Variants in SND1 observed in about 807,000 individuals in gnomAD.
SND1 encodes the protein staphylococcal nuclease domain-containing protein 1.
SND1 carries 38 observed loss-of-function variants against 121.7 expected under a neutral mutation model. The ratio of observed to expected loss-of-function variants is 0.31; its 90% CI spans 0.24 to 0.41. The LOEUF (loss-of-function observed/expected upper bound fraction) is 0.41, where lower values mean the gene tolerates loss of function less well. Ranked by LOEUF, SND1 falls within the 10% of genes least tolerant of loss-of-function variation. The probability of loss-of-function intolerance (pLI) is 1.00; values close to 1 mark genes in which losing one functional copy is unlikely to be tolerated. For synonymous variants in SND1, 401 were observed against 447.4 expected (o/e 0.90, Z 1.31); for missense variants, 868 against 1,184.6 (o/e 0.73, Z 3.92).
chr7:128,089,666 C>T lies in SND1; in HGVS notation c.2596C>T (p.Arg866Cys), dbSNP rs773782866. The T allele has an allele frequency of 3.1e-6, 5 of 1,614,036 alleles. No homozygotes were observed. Among genetic ancestry groups the T allele is most frequent in the Middle Eastern group, 1.6e-4 (1 of 6,062 alleles). The stretch of plus-strand genomic sequence containing the variant: ...GGAAGGGCTGGTCATGGTGGAGGTG[C>T]GCAAGGAGAAACAGTTCCAGAAAGT... ...VKEGLVMVEV[R>C]KEKQFQKVIT... Residue 866 changes from arginine (R) to cysteine (C), a missense_variant, in exon 22 of 24, where the codon CGC becomes TGC. This residue lies in a region of SND1 where 743 missense variants were observed against 1,071.3 expected (regional missense o/e 0.69). Coordinates refer to ENST00000354725, the MANE Select transcript of SND1 (RefSeq NM_014390.4).
At chr7:128,026,861 G>A (rs1044817230) in intron 16 of SND1, among the ~76,000 whole-genome samples, 1 of 152,170 alleles carries the variant, frequency 6.6e-6, no homozygotes, top group Admixed American at 6.5e-5. Context: ...GCTTGTAGAA[G>A]GTGCACTAGA....
In SND1 at chr7:128,029,861, A is replaced by G. The variant is rs1308411476; in HGVS notation, c.1779+38805A>G. The G allele has an allele frequency of 6.2e-7, 1 of 1,613,328 alleles. No individual in the cohort carries two copies. The highest frequency in any genetic ancestry group is 1.3e-5 in the African/African-American group (1 of 74,908). The stretch of plus-strand genomic sequence containing the variant: ...CAAGTGAAGCCAGCCCGTCAAAAGC[A>G]TTCCGCTCAATCAGGCTGACCTGTG... On this transcript the variant is annotated intron_variant, in intron 16 of 23. Transcript: ENST00000354725. The surrounding 1 kb of genome is among the most constrained non-coding windows in gnomAD (Gnocchi z 4.2).
chr7:127,659,602 G>A (rs540188323), intron 1 of SND1, among the ~76,000 whole-genome samples: 3 of 152,128 alleles, frequency 2.0e-5, no homozygotes, highest in African/African-American at 7.2e-5. Context: ...GCTTGGGATG[G>A]TCTTGTAGCA....
intron 11 of SND1, among the ~76,000 whole-genome samples, chr7:127,841,832 T>C (rs1798971382): frequency 6.6e-6 from 1 of 152,220 alleles, no homozygotes; most frequent in Non-Finnish European, 1.5e-5. Flanking sequence ...TTATAGTAGT[T>C]GTTAAGACCT....
Position 128,089,648 on chromosome 7 carries a change from C to A in SND1, c.2578C>A (p.Leu860Met). 1 of 1,614,102 alleles carries A rather than the reference C, an allele frequency of 6.2e-7. No individual in the cohort carries two copies. Among genetic ancestry groups the A allele is most frequent in the Non-Finnish European group, 8.5e-7 (1 of 1,180,022 alleles). The change falls in exon 22 of 24, where the codon CTG becomes ATG. Residue 860 changes from leucine to methionine, a missense_variant. Leu to Met is a conservative substitution (Grantham distance 15). Around this residue, in one of 2 missense-constraint regions of SND1, gnomAD observed 743 missense variants for 1,071.3 expected, o/e 0.69. Coordinates refer to ENST00000354725, the MANE Select transcript of SND1 (RefSeq NM_014390.4). The stretch of plus-strand genomic sequence containing the variant: ...GGGGCTGGGCTTGGTGAAGGAAGGG[C>A]TGGTCATGGTGGAGGTGCGCAAGGA... ...DVGLGLVKEG[L>M]VMVEVRKEKQ...
intron 16 of SND1, among the ~76,000 whole-genome samples, chr7:128,070,176 T>C (rs1230660378): frequency 6.6e-6 from 1 of 152,156 alleles, no homozygotes; most frequent in Non-Finnish European, 1.5e-5. Flanking sequence ...CCAAGCCCCT[T>C]CCTCAGTGTG....
In SND1 at chr7:128,074,597, C is replaced by T. The variant is rs542659541; in HGVS notation, c.1875C>T (p.His625=). The change falls in exon 17 of 24, where the codon CAC becomes CAT. Residue 625 remains histidine (H), a synonymous_variant. Transcript: ENST00000354725. ...GANLSVLLVE[H]ALSKVHFTAE... is the part of the protein sequence containing the mutation. Reference sequence around the variant, plus strand: ...ACCTGTCCGTCCTGCTGGTGGAGCACGCGCTCTCCAAGGTCCACTTCACCG... The same window carrying T: ...ACCTGTCCGTCCTGCTGGTGGAGCATGCGCTCTCCAAGGTCCACTTCACCG... 523 of 1,613,718 alleles carry T rather than the reference C, an allele frequency of 3.2e-4. No homozygotes were observed. Among genetic ancestry groups the T allele is most frequent in the Non-Finnish European group, 4.1e-4 (484 of 1,179,990 alleles).
At chr7:128,014,971 G>C (rs1209600361) in intron 16 of SND1, among the ~76,000 whole-genome samples, 3 of 152,184 alleles carry the variant, frequency 2.0e-5, no homozygotes, top group Non-Finnish European at 2.9e-5. Context: ...TCTATATCTT[G>C]TCAGATATTT....
intron 16 of SND1, among the ~76,000 whole-genome samples, chr7:128,009,489 G>T (rs1298240288): frequency 6.6e-6 from 1 of 152,230 alleles, no homozygotes; most frequent in Non-Finnish European, 1.5e-5. Flanking sequence ...AACTTTCTAT[G>T]TTGGTGGAAA....
chr7:127,732,944 G>A (rs1177239702), intron 10 of SND1, among the ~76,000 whole-genome samples: 2 of 152,100 alleles, frequency 1.3e-5, no homozygotes, highest in Non-Finnish European at 2.9e-5. Context: ...AGTGGCGGGA[G>A]GTTTCAAAAC....
intron 10 of SND1, among the ~76,000 whole-genome samples, chr7:127,789,916 T>C (rs1369015346): frequency 6.6e-6 from 1 of 152,232 alleles, no homozygotes; most frequent in African/African-American, 2.4e-5. Context: ...AAGAAATATT[T>C]GTATTTTTAA....
intron 16 of SND1, among the ~76,000 whole-genome samples, chr7:128,024,534 G>A (rs529894092): frequency 6.6e-5 from 10 of 152,172 alleles, no homozygotes; most frequent in African/African-American, 1.7e-4. Context: ...CCATTACCAC[G>A]GAAGGAAGCC....
chr7:127,672,198 A>G (rs1795529796), intron 1 of SND1, among the ~76,000 whole-genome samples: 1 of 152,184 alleles, frequency 6.6e-6, no homozygotes, highest in South Asian at 2.1e-4. Flanking sequence ...TAATCTGCAG[A>G]TACGGTATCC....
At position 128,015,828 on chromosome 7, in the gene SND1, G is replaced by A. The variant is rs142931739; in HGVS notation, c.1779+24772G>A. Among the ~76,000 whole-genome samples, 30 of 152,262 alleles carry A rather than the reference G, an allele frequency of 2.0e-4. No individual in the cohort carries two copies. The highest frequency in any genetic ancestry group is 6.3e-4 in the African/African-American group (26 of 41,562). ...GATGTCCCACCTAGCAGGCTCTGCC[G>A]GAGCCAGACATAGCCATCCACTCTG... On this transcript the variant is annotated intron_variant, in intron 16 of 23. Transcript: ENST00000354725. This position sits in a 1 kb window ranked among gnomAD's most constrained non-coding sequence, Gnocchi z 4.5.
rs777266206 is a variant in SND1, at chr7:127,723,601, G to T, written c.1152+2201G>T. ...AATATAATGAACCTTGAATGTAGTGGTAGAAGGTACCCTGAAGAGTAGCCG... is the reference window on the plus strand; with the variant it reads ...AATATAATGAACCTTGAATGTAGTGTTAGAAGGTACCCTGAAGAGTAGCCG... On this transcript the variant is annotated intron_variant, in intron 10 of 23. Coordinates refer to ENST00000354725, the MANE Select transcript of SND1 (RefSeq NM_014390.4). 4.2e-4 allele frequency among the ~76,000 whole-genome samples: 64 copies of T among 152,160 alleles called. 1 individual carries two copies. The highest frequency in any genetic ancestry group is 3.4e-4 in the Non-Finnish European group (23 of 68,024).
At chr7:127,748,525 A>G (rs1249661990) in intron 10 of SND1, among the ~76,000 whole-genome samples, 1 of 152,230 alleles carries the variant, frequency 6.6e-6, no homozygotes, top group African/African-American at 2.4e-5. Context: ...TGGACTAAGT[A>G]TCTGGTGAGA....
intron 10 of SND1, among the ~76,000 whole-genome samples, chr7:127,748,440 T>C (rs1022844861): frequency 2.6e-5 from 4 of 152,166 alleles, no homozygotes; most frequent in African/African-American, 9.7e-5. Context: ...TGAAGTCTGA[T>C]TGTCTGGATC....
At chr7:127,781,098 C>T (rs1485799741) in intron 10 of SND1, among the ~76,000 whole-genome samples, 1 of 152,170 alleles carries the variant, frequency 6.6e-6, no homozygotes, top group Non-Finnish European at 1.5e-5. Flanking sequence ...AAGAAAATAA[C>T]TTTCTAAGAA....
rs1793790673 is a variant in SND1 at position 128,092,065 on chromosome 7, G to A, written c.*7G>A. The A allele has an allele frequency of 1.2e-6, 2 of 1,613,846 alleles. No homozygotes were observed. The highest frequency in any genetic ancestry group is 1.7e-6 in the Non-Finnish European group (2 of 1,179,848). ...ATTTGGCTACAGCCGCTAAGGAGGG[G>A]ATCGGGTTTGGCCCCCAGCCCCGCT... On this transcript the variant is annotated 3_prime_UTR_variant, in exon 24 of 24. Coordinates refer to ENST00000354725, the MANE Select transcript of SND1 (RefSeq NM_014390.4). This position sits in a 1 kb window ranked among gnomAD's most constrained non-coding sequence, Gnocchi z 4.9.
Sources: allele counts gnomAD v4.1 joint callset (sites outside exome capture counted in the v4.1 genomes callset), GRCh38; gene constraint gnomAD v4.1.1; regional missense constraint gnomAD v4.1.1; non-coding constraint Gnocchi (gnomAD v3.1); transcripts MANE v1.5; gene names NCBI Gene and HGNC (gene_info 2026-07-23, HGNC 2026-07-21).